Variants in CASP9 observed in about 807,000 individuals in gnomAD.
The protein encoded by CASP9 is caspase-9.
Under a neutral mutation model 43.5 loss-of-function variants are expected in CASP9, and 29 were observed. That is an observed-to-expected ratio of 0.67 (90% confidence interval 0.50 to 0.91). The LOEUF is 0.91. Among genes scored for constraint, CASP9 ranks in the 40% least tolerant of loss-of-function variants. The pLI is 0.00. For synonymous variants in CASP9, 206 were observed against 211.9 expected (o/e 0.97, Z 0.24); for missense variants, 575 against 537.4 (o/e 1.07, Z -0.69).
chr1:15,499,017 G>A (rs776544648), intron 6 of CASP9, among the ~76,000 whole-genome samples: 14 of 152,288 alleles, frequency 9.2e-5, no homozygotes, highest in Non-Finnish European at 1.6e-4. Context: ...GATGACAGGC[G>A]TGAGCCACCG....
intron 6 of CASP9, among the ~76,000 whole-genome samples, chr1:15,501,386 A>G (rs1172287971): frequency 6.6e-6 from 1 of 151,840 alleles, no homozygotes; most frequent in African/African-American, 2.4e-5. Context: ...ATGATTTTTA[A>G]ATTATTTATT....
At chr1:15,493,323 C>G in intron 8 of CASP9, 1 of 1,311,898 alleles carries the variant, frequency 7.6e-7, no homozygotes, top group Non-Finnish European at 9.7e-7. Context: ...AATACCTGAG[C>G]AGAGCAGCTG....
At chr1:15,508,173 C>G (rs753569374) in intron 2 of CASP9, among the ~76,000 whole-genome samples, 2 of 152,222 alleles carry the variant, frequency 1.3e-5, no homozygotes, top group Non-Finnish European at 2.9e-5. Flanking sequence ...CCAAAATGTT[C>G]CCTGAGGCCT....
chr1:15,517,652 C>A (rs184194260), intron 2 of CASP9, among the ~76,000 whole-genome samples: 158 of 152,166 alleles, frequency 1.0e-3, no homozygotes, highest in Middle Eastern at 3.4e-3. Context: ...TCTAATGATA[C>A]CTGCCTTGCA....
chr1:15,508,229 T>C (rs1433172746), intron 2 of CASP9, among the ~76,000 whole-genome samples: 1 of 152,212 alleles, frequency 6.6e-6, no homozygotes, highest in Non-Finnish European at 1.5e-5. Flanking sequence ...AACAACAGTT[T>C]GGTAGATATA....
rs776371275 is a variant in CASP9, at chr1:15,518,137, T to C, written c.391A>G (p.Ile131Val). The C allele has an allele frequency of 8.1e-6, 13 of 1,614,200 alleles. No individual in the cohort carries two copies. The East Asian group carries it at 8.9e-5, about 11-fold the overall frequency. ...LRPETPRPVD[I>V]GSGGFGDVGA... ...ACATCACCAAATCCTCCAGAACCAA[T>C]GTCCACTGGTCTGGGTGTTTCCGGT... The change falls in exon 2 of 9, where the codon ATT becomes GTT. Residue 131 changes from isoleucine to valine, a missense_variant. Physicochemically the swap from Ile to Val is conservative, Grantham distance 29. Transcript: ENST00000333868.
Position 15,493,842 on chromosome 1 carries a change from C to T in CASP9, c.1158+50G>A, listed in dbSNP as rs966617249. 4.5e-6 allele frequency: 7 copies of T among 1,552,032 alleles called. No individual in the cohort carries two copies. In the Admixed American group the frequency reaches 1.2e-4, roughly 26 times the overall value. On this transcript the variant is annotated intron_variant, in intron 8 of 8. Transcript: ENST00000333868. ...AAATCCCCAGCCCCAGGAGGACACG[C>T]TGCCCCTCAGCAGCCTCCCCTCTCC...
rs530004230 is a variant in CASP9, at chr1:15,516,436, A to G, written c.418+1674T>C. On this transcript the variant is annotated intron_variant, in intron 2 of 8. Coordinates refer to ENST00000333868, the MANE Select transcript of CASP9 (RefSeq NM_001229.5). ...TTCAAGGATGCAGTGAGCCGTGATC[A>G]TGCCACTGCACTCCAGCCTGGGCCA... 9.7e-4 allele frequency among the ~76,000 whole-genome samples: 146 copies of G among 150,364 alleles called. 1 individual carries two copies. The highest frequency in any genetic ancestry group is 3.5e-3 in the African/African-American group (144 of 40,928).
chr1:15,493,165 G>C, intron 8 of CASP9, 130 bp from the exon 9 acceptor site: 1 of 1,503,054 alleles, frequency 6.7e-7, no homozygotes, highest in Non-Finnish European at 8.8e-7. Flanking sequence ...GCCTCTTTGA[G>C]CAGGAGGGCT....
chr1:15,519,125 T>C (rs1203868436), intron 1 of CASP9, among the ~76,000 whole-genome samples: 1 of 151,828 alleles, frequency 6.6e-6, no homozygotes, highest in East Asian at 1.9e-4. Flanking sequence ...TCCTCCAGCC[T>C]TGGCCTCCCA....
intron 1 of CASP9, among the ~76,000 whole-genome samples, chr1:15,521,156 C>CA (rs34870949): frequency 2.6e-3 from 214 of 80,928 alleles, no homozygotes; most frequent in South Asian, 0.011. Flanking sequence ...GACTCCGTCT[C>CA]AAAAAAAAAA....
At chr1:15,515,442 C>T (rs563453456) in intron 2 of CASP9, among the ~76,000 whole-genome samples, 2 of 152,188 alleles carry the variant, frequency 1.3e-5, no homozygotes, top group Non-Finnish European at 2.9e-5. Context: ...AATGGTCCAC[C>T]AGGCACCCAT....
chr1:15,523,609 G>A (rs1248256530), intron 1 of CASP9, among the ~76,000 whole-genome samples: 2 of 152,018 alleles, frequency 1.3e-5, no homozygotes, highest in Non-Finnish European at 2.9e-5. Flanking sequence ...TCTGATAAAT[G>A]CTTATGTTAG....
At position 15,493,525 on chromosome 1, in the gene CASP9, TAGA is replaced by T. The variant is rs902331800; in HGVS notation, c.1158+364_1158+366del. 18 of 1,375,276 alleles carry T rather than the reference TAGA, an allele frequency of 1.3e-5. No homozygotes were observed. In the African/African-American group the frequency reaches 2.3e-4, roughly 18 times the overall value. The allele number at this position is 1,375,276 out of a possible 1,614,324, so 85.2% of individuals were successfully genotyped here. ...GTTCACAATTCTTGAGGGTCAAGAG[TAGA>T]AGACTACATGATGCCCACAGGATAT... On this transcript the variant is annotated intron_variant, in intron 8 of 8. Coordinates refer to ENST00000333868, the MANE Select transcript of CASP9 (RefSeq NM_001229.5).
chr1:15,493,530 G>A lies in CASP9; in HGVS notation c.1158+362C>T, dbSNP rs1004061874. ...CAATTCTTGAGGGTCAAGAGTAGAAGACTACATGATGCCCACAGGATATAG... is the reference window on the plus strand; with the variant it reads ...CAATTCTTGAGGGTCAAGAGTAGAAAACTACATGATGCCCACAGGATATAG... On this transcript the variant is annotated intron_variant, in intron 8 of 8. Transcript: ENST00000333868. 7.2e-6 allele frequency: 10 copies of A among 1,386,294 alleles called. No individual in the cohort carries two copies. In the South Asian group the frequency reaches 1.4e-4, roughly 20 times the overall value. The allele number at this position is 1,386,294 out of a possible 1,614,324, so 85.9% of individuals were successfully genotyped here.
At chr1:15,514,613 A>G (rs1709883214) in intron 2 of CASP9, among the ~76,000 whole-genome samples, 1 of 152,212 alleles carries the variant, frequency 6.6e-6, no homozygotes, top group Non-Finnish European at 1.5e-5. Flanking sequence ...TAAGTAGCAT[A>G]TAATGACAGA....
At position 15,503,303 on chromosome 1, in the gene CASP9, A is replaced by C. The variant is rs1173483104; in HGVS notation, c.868+1308T>G. Among the ~76,000 whole-genome samples, 4 of 151,904 alleles carry C rather than the reference A, an allele frequency of 2.6e-5. No homozygotes were observed. The East Asian group carries it at 7.7e-4, about 29-fold the overall frequency. ...CTACTCAGGAGGCTGAGGTGGGAGG[A>C]TCACCTGAGCTTGGGAGTGGGTTCT... On this transcript the variant is annotated intron_variant, in intron 6 of 8. Coordinates refer to ENST00000333868, the MANE Select transcript of CASP9 (RefSeq NM_001229.5).
At position 15,495,309 on chromosome 1, in the gene CASP9, G is replaced by A. The variant is rs1366780597; in HGVS notation, c.1012C>T (p.Pro338Ser). 1 of 1,611,626 alleles carries A rather than the reference G, an allele frequency of 6.2e-7. No individual in the cohort carries two copies. ...GAGTAGGACACAAAGATGTCACTGG[G>A]TGTGGGCAAACTAGATATGGCGTCC... ...QLDAISSLPT[P>S]SDIFVSYSTF... is the part of the protein sequence containing the mutation. The change falls in exon 7 of 9, where the codon CCC becomes TCC. Residue 338 changes from proline to serine, a missense_variant. By Grantham distance (74) the Pro-to-Ser change is moderately conservative. Transcript: ENST00000333868.
intron 8 of CASP9, 47 bp from the exon 9 acceptor site, chr1:15,493,082 C>A (rs1338513018): frequency 5.0e-6 from 8 of 1,609,932 alleles, no homozygotes; most frequent in African/African-American, 1.3e-5. Flanking sequence ...GTTCTCTGGA[C>A]TGAAGGAAGA....
Sources: gnomAD v4.1 joint callset for allele counts (sites outside exome capture counted in the v4.1 genomes callset) on GRCh38, gnomAD v4.1.1 for gene constraint, MANE v1.5 for transcripts, NCBI Gene and HGNC (gene_info 2026-07-23, HGNC 2026-07-21) for gene names.